The following ADGRB1 variants were observed in gnomAD, a reference collection of about 807,000 sequenced individuals.
ADGRB1 encodes the protein brain-specific angiogenesis inhibitor 1.
ADGRB1 carries 36 observed loss-of-function variants against 175.7 expected under a neutral mutation model. The ratio of observed to expected loss-of-function variants is 0.20; its 90% CI spans 0.16 to 0.27. The LOEUF (loss-of-function observed/expected upper bound fraction) is 0.27, where lower values mean the gene tolerates loss of function less well. Among genes scored for constraint, ADGRB1 ranks in the 10% least tolerant of loss-of-function variants. ADGRB1 has a pLI of 1.00. For missense variants in ADGRB1, 1,731 were observed against 2,255.3 expected, an observed-to-expected ratio of 0.77 and a Z score of 4.71; for synonymous variants, 1,054 against 979.4, an observed-to-expected ratio of 1.08 and a Z score of -1.42.
At chr8:142,484,154 G>T in intron 12 of ADGRB1, 109 bp downstream of exon 12, 2 of 906,530 alleles carry the variant, frequency 2.2e-6, no homozygotes, top group Non-Finnish European at 3.4e-6. Flanking sequence ...GGTGCTCTGG[G>T]TTTGGATCTC....
intron 17 of ADGRB1, among the ~76,000 whole-genome samples, chr8:142,501,717 G>A (rs1336133996): frequency 8.6e-6 from 1 of 116,012 alleles, no homozygotes; most frequent in East Asian, 3.1e-4. Context: ...TGGTGATGGT[G>A]AGGGTGATGT....
chr8:142,498,067 G>A lies in ADGRB1; in HGVS notation c.2675+7252G>A, dbSNP rs1280682296. 2.6e-5 allele frequency among the ~76,000 whole-genome samples: 4 copies of A among 152,164 alleles called. No homozygotes were observed. The East Asian group carries it at 7.7e-4, about 29-fold the overall frequency. On this transcript the variant is annotated intron_variant, in intron 17 of 30. Transcript: ENST00000517894. Reference sequence around the variant, plus strand: ...CCAGGCCCTCTTACTCCCCCACAGGGCCTGCTTGGGAACTCTGGGACCCCA... The same window carrying A: ...CCAGGCCCTCTTACTCCCCCACAGGACCTGCTTGGGAACTCTGGGACCCCA...
chr8:142,521,921 C>T lies in ADGRB1; in HGVS notation c.3025-44C>T, dbSNP rs367882024. The T allele has an allele frequency of 1.9e-4, 296 of 1,543,078 alleles. 3 individuals carry two copies. In the African/African-American group the frequency reaches 3.0e-3, roughly 16 times the overall value. ...CACTCAGTGGGGACAGGTGTGGGGC[C>T]GGGGAGCACCTGCCCAGCCTGCCCC... On this transcript the variant is annotated intron_variant, in intron 20 of 30. Coordinates refer to ENST00000517894, the MANE Select transcript of ADGRB1 (RefSeq NM_001702.3).
intron 18 of ADGRB1, among the ~76,000 whole-genome samples, chr8:142,516,642 G>GGT (rs10638916): frequency 0.012 from 1,592 of 130,224 alleles, 19 homozygotes; most frequent in South Asian, 0.04. Context: ...GCGGGTCCCA[G>GGT]GTGTGTGTGT....
intron 17 of ADGRB1, among the ~76,000 whole-genome samples, chr8:142,502,357 GGTAGTA>G: frequency 2.1e-5 from 3 of 144,690 alleles, no homozygotes; most frequent in Non-Finnish European, 4.5e-5. Context: ...ATGGGGAGGT[GGTAGTA>G]ATGGTTGCGT....
chr8:142,457,990 C>T (rs1391464029), intron 1 of ADGRB1, among the ~76,000 whole-genome samples: 3 of 152,176 alleles, frequency 2.0e-5, no homozygotes, highest in Non-Finnish European at 4.4e-5. Context: ...GTGCCGAGGG[C>T]GCCCACCCCG....
rs569958433 is a variant in ADGRB1, at chr8:142,464,884, C to A, written c.686C>A (p.Ala229Asp). ...GGCGGCCCTGCCGCGGGACCCCTGG[C>A]CCCCCGCGGGGATGTCTGCTTGAGA... is the stretch of plus-strand genomic sequence containing the variant. ...EAGGPAAGPLAPRGDVCLRDA... is the reference protein window; with the variant it reads ...EAGGPAAGPLDPRGDVCLRDA... The change falls in exon 2 of 31, where the codon GCC becomes GAC. Residue 229 changes from alanine to aspartate, a missense_variant. Transcript: ENST00000517894. The A allele has an allele frequency of 2.2e-5, 33 of 1,523,174 alleles. No homozygotes were observed. In the South Asian group the frequency reaches 2.9e-4, roughly 13 times the overall value. The allele number at this position is 1,523,174 out of a possible 1,614,324, so 94.4% of individuals were successfully genotyped here.
intron 1 of ADGRB1, among the ~76,000 whole-genome samples, chr8:142,462,234 G>A (rs1176498791): frequency 6.6e-6 from 1 of 152,168 alleles, no homozygotes; most frequent in African/African-American, 2.4e-5. Flanking sequence ...CCAGGAATGA[G>A]ACCACAGAGG....
chr8:142,459,474 T>A (rs1015251141), intron 1 of ADGRB1, among the ~76,000 whole-genome samples: 1 of 152,100 alleles, frequency 6.6e-6, no homozygotes, highest in Non-Finnish European at 1.5e-5. Context: ...GACCCCTTTC[T>A]CCAAGGCCGT....
chr8:142,463,040 G>T (rs116785886), intron 1 of ADGRB1, among the ~76,000 whole-genome samples: 6 of 152,202 alleles, frequency 3.9e-5, no homozygotes, highest in African/African-American at 7.2e-5. Context: ...TGGGGCTCAC[G>T]TATGGGTTCT....
At chr8:142,451,150 C>T (rs1001539116) in intron 1 of ADGRB1, among the ~76,000 whole-genome samples, 3 of 152,048 alleles carry the variant, frequency 2.0e-5, no homozygotes, top group African/African-American at 7.2e-5. Context: ...CCTCCGGCCT[C>T]GGGAGGGGGC....
intron 2 of ADGRB1, among the ~76,000 whole-genome samples, chr8:142,468,207 TGC>T (rs1038415240): frequency 8.0e-5 from 12 of 150,406 alleles, no homozygotes; most frequent in African/African-American, 3.0e-4. Context: ...TAAGTGTGGG[TGC>T]GTGTGTGTGT....
intron 27 of ADGRB1, chr8:142,540,128 A>G (rs1454771981): frequency 6.6e-6 from 1 of 152,456 alleles, no homozygotes; most frequent in Non-Finnish European, 1.5e-5. Context: ...TGGAGAGGCC[A>G]ATGGACCATG....
chr8:142,529,662 G>C (rs1844481613), intron 24 of ADGRB1, among the ~76,000 whole-genome samples: 1 of 149,482 alleles, frequency 6.7e-6, no homozygotes, highest in Non-Finnish European at 1.5e-5. Context: ...GTGTGTGAGT[G>C]TGCATCTGTG....
At chr8:142,483,480 G>A (rs1841490151) in intron 11 of ADGRB1, among the ~76,000 whole-genome samples, 1 of 149,290 alleles carries the variant, frequency 6.7e-6, no homozygotes, top group Non-Finnish European at 1.5e-5. Context: ...CCTCAATCCT[G>A]GTTACATGCT....
At chr8:142,525,694 G>C (rs1200788290) in intron 23 of ADGRB1, among the ~76,000 whole-genome samples, 2 of 152,174 alleles carry the variant, frequency 1.3e-5, no homozygotes, top group African/African-American at 4.8e-5. Flanking sequence ...TACCACCCTG[G>C]TCTTCTGGAC....
intron 30 of ADGRB1, 106 bp from the exon 31 acceptor site, chr8:142,544,114 C>T: frequency 1.6e-6 from 2 of 1,239,102 alleles, no homozygotes; most frequent in Non-Finnish European, 2.2e-6. Flanking sequence ...TCCCCCACCT[C>T]CCGTCCCTTC....
chr8:142,522,423 C>T (rs540786149), intron 21 of ADGRB1, among the ~76,000 whole-genome samples: 1 of 152,330 alleles, frequency 6.6e-6, no homozygotes, highest in South Asian at 2.1e-4. Context: ...ATGTGCCGGG[C>T]ACCCTATGTG....
chr8:142,511,542 G>A lies in ADGRB1; in HGVS notation c.2817+469G>A, dbSNP rs1843104373. 6.6e-6 allele frequency among the ~76,000 whole-genome samples: 1 copy of A among 152,220 alleles called. No homozygotes were observed. The highest frequency in any genetic ancestry group is 1.5e-5 in the Non-Finnish European group (1 of 68,026). ...CCACCCCAAGTAGAGCCTGGTCCGTGGAGGAGGAGGTGGCGGTGGCCCCAG... is the reference window on the plus strand; with the variant it reads ...CCACCCCAAGTAGAGCCTGGTCCGTAGAGGAGGAGGTGGCGGTGGCCCCAG... On this transcript the variant is annotated intron_variant, in intron 18 of 30. Coordinates refer to ENST00000517894, the MANE Select transcript of ADGRB1 (RefSeq NM_001702.3). This position sits in a 1 kb window ranked among gnomAD's most constrained non-coding sequence, Gnocchi z 4.5.
Sources: gnomAD v4.1 joint callset for allele counts (sites outside exome capture counted in the v4.1 genomes callset) on GRCh38, gnomAD v4.1.1 for gene constraint, Gnocchi (gnomAD v3.1) non-coding constraint, MANE v1.5 for transcripts, NCBI Gene and HGNC (gene_info 2026-07-23, HGNC 2026-07-21) for gene names.